Variants in CIC observed in about 807,000 individuals in gnomAD.
The protein encoded by CIC is capicua transcriptional repressor, also known as protein capicua homolog.
A neutral mutation model predicts 115.7 loss-of-function variants in CIC; 18 were observed. The observed-to-expected ratio is 0.16, with a 90% CI of 0.11 to 0.23. The LOEUF (loss-of-function observed/expected upper bound fraction) is 0.23. Among genes scored for constraint, CIC ranks in the 10% least tolerant of loss-of-function variants. CIC has a pLI of 1.00. For missense variants in CIC, 2,000 were observed against 2,159.3 expected (o/e 0.93, Z 1.46); for synonymous variants, 1,076 against 923.0 (o/e 1.17, Z -3.01).
chr19:42,281,742 C>G (rs28463673), intron 2 of CIC, among the ~76,000 whole-genome samples: 3 of 152,208 alleles, frequency 2.0e-5, no homozygotes, highest in African/African-American at 7.2e-5. Context: ...CCCCTCCCTG[C>G]CAGGCTAGGC....
chr19:42,286,245 C>T (rs1167564394), intron 2 of CIC, among the ~76,000 whole-genome samples: 1 of 152,092 alleles, frequency 6.6e-6, no homozygotes, highest in Non-Finnish European at 1.5e-5. Flanking sequence ...TTGTAAGAGA[C>T]CCCACAGCCT....
At chr19:42,289,726 A>T in intron 9 of CIC, 122 bp from the exon 10 acceptor site, 1 of 891,502 alleles carries the variant, frequency 1.1e-6, no homozygotes, top group Non-Finnish European at 1.8e-6. Flanking sequence ...GCTGAGGAGT[A>T]GCCTTCCTGG....
rs769275790 is a variant in CIC, at chr19:42,290,576, C to T, written c.4535C>T (p.Pro1512Leu). 2 of 1,613,748 alleles carry T rather than the reference C, an allele frequency of 1.2e-6. 1 individual carries two copies. Among genetic ancestry groups the T allele is most frequent in the South Asian group, 2.2e-5 (2 of 91,076 alleles). ...CCTGCCACCTTCCGGCGCAAGAGAC[C>T]CGAAAGTGTGGGTGGCCTGGAGCCA... Reference protein sequence around the residue: ...MDPATFRRKRPESVGGLEPPG... With the variant: ...MDPATFRRKRLESVGGLEPPG... The change falls in exon 11 of 21, where the codon CCC (proline) becomes CTC (leucine). Residue 1512 changes from proline to leucine, a missense_variant. Around this residue, in one of 8 missense-constraint regions of CIC, gnomAD observed 1,466 missense variants for 1,390.4 expected, o/e 1.05. Coordinates refer to ENST00000681038, the MANE Select transcript of CIC (RefSeq NM_001386298.1).
Position 42,287,836 on chromosome 19 carries a change from C to T in CIC, c.3519C>T (p.His1173=), listed in dbSNP as rs759700004. 1.2e-6 allele frequency: 2 copies of T among 1,613,764 alleles called. No individual in the cohort carries two copies. The highest frequency in any genetic ancestry group is 8.5e-7 in the Non-Finnish European group (1 of 1,179,812). ...FQVKEAHFKA[H]PDWKWCNKDR... ...TGAAGGAGGCCCACTTCAAGGCCCA[C>T]CCAGATTGGAAGTGGTGCAACAAGG... is the stretch of plus-strand genomic sequence containing the variant. Residue 1173 remains histidine (H), a synonymous_variant, in exon 7 of 21, where the codon CAC becomes CAT. Transcript: ENST00000681038. The surrounding 1 kb of genome is among the most constrained non-coding windows in gnomAD (Gnocchi z 8.7).
rs1477381910 is a variant in CIC at position 42,273,952 on chromosome 19, G to C, written c.2169G>C (p.Gly723=). 2.5e-6 allele frequency: 1 copy of C among 398,638 alleles called. No homozygotes were observed. The allele number at this position is 398,638 out of a possible 1,614,324, so 24.7% of individuals were successfully genotyped here. Residue 723 remains glycine, a synonymous_variant, in exon 2 of 21, where the codon GGG becomes GGC. Coordinates refer to ENST00000681038, the MANE Select transcript of CIC (RefSeq NM_001386298.1). The stretch of plus-strand genomic sequence containing the variant: ...AGACAGAGCTGTTGCCGCATCCAGG[G>C]GCCTTGGGGGCCCCTGGCGCAGGGG... ...RRKTELLPHP[G]ALGAPGAGGG... is the part of the protein sequence containing the mutation.
chr19:42,271,428 C>G (rs1468597649), intron 1 of CIC, among the ~76,000 whole-genome samples: 2 of 152,192 alleles, frequency 1.3e-5, no homozygotes, highest in Admixed American at 1.3e-4. Flanking sequence ...TTAATAAAGG[C>G]AAGCTTAGCA....
rs775387226 is a variant in CIC, at chr19:42,274,251, A to G, written c.2468A>G (p.Lys823Arg). 3.0e-5 allele frequency: 12 copies of G among 398,772 alleles called. No individual in the cohort carries two copies. The highest frequency in any genetic ancestry group is 5.3e-5 in the Non-Finnish European group (12 of 226,170). The allele number at this position is 398,772 out of a possible 1,614,324, so 24.7% of individuals were successfully genotyped here. ...VRNPDVPLPS[K>R]FPGEVGTAGE... ...AACCCTGATGTGCCACTGCCCTCCA[A>G]ATTCCCTGGGGAGGTGGGCACTGCT... Residue 823 changes from lysine (K) to arginine (R), a missense_variant, in exon 2 of 21, where the codon AAA becomes AGA. Around this residue, in one of 8 missense-constraint regions of CIC, gnomAD observed 222 missense variants for 247.7 expected, o/e 0.90. Coordinates refer to ENST00000681038, the MANE Select transcript of CIC (RefSeq NM_001386298.1).
chr19:42,295,143 G>GGGGGGGCCCCCCCC lies in CIC; in HGVS notation c.7506_7507insGGGGGGCCCCCCCC (p.Pro2503GlyfsTer31). On this transcript the variant is annotated frameshift_variant, in exon 21 of 21. Coordinates refer to ENST00000681038, the MANE Select transcript of CIC (RefSeq NM_001386298.1). LOFTEE classifies it high-confidence loss of function. ...AGCCTGGCTGGGAGGGGGCTCCCCA[G>GGGGGGGCCCCCCCC]CCCTCCCCCCCACCCCCAGGTCCCT... 2.9e-6 allele frequency: 4 copies of GGGGGGGCCCCCCCC among 1,382,730 alleles called. No individual in the cohort carries two copies. Among genetic ancestry groups the GGGGGGGCCCCCCCC allele is most frequent in the Non-Finnish European group, 9.6e-7 (1 of 1,037,820 alleles). 85.7% of individuals were successfully genotyped at this position (1,382,730 alleles called of 1,614,324 possible).
At chr19:42,294,393 T>C in intron 19 of CIC, 89 bp downstream of exon 19, 1 of 1,591,054 alleles carries the variant, frequency 6.3e-7, no homozygotes, top group Non-Finnish European at 8.5e-7. Context: ...AGAGGTAGGG[T>C]GGGTCCATCC....
rs2037761738 is a variant in CIC, at chr19:42,287,766, G to A, written c.3492+39G>A. On this transcript the variant is annotated intron_variant, in intron 6 of 20. Coordinates refer to ENST00000681038, the MANE Select transcript of CIC (RefSeq NM_001386298.1). The surrounding 1 kb of genome is among the most constrained non-coding windows in gnomAD (Gnocchi z 8.7). Reference sequence around the variant, plus strand: ...CTCTTGGCTCCTCCCAGCTTCTTCTGGTGGGGTGGGTGAGTGAAGGGTTGC... The same window carrying A: ...CTCTTGGCTCCTCCCAGCTTCTTCTAGTGGGGTGGGTGAGTGAAGGGTTGC... The A allele has an allele frequency of 6.2e-7, 1 of 1,614,012 alleles. No homozygotes were observed. Among genetic ancestry groups the A allele is most frequent in the Non-Finnish European group, 8.5e-7 (1 of 1,180,024 alleles).
Position 42,287,416 on chromosome 19 carries a change from A to G in CIC, c.3276A>G (p.Ser1092=). The stretch of plus-strand genomic sequence containing the variant: ...GTGCCCTACCCAAGGAACGGGACTC[A>G]TCTTCTGAGAAGGATGGACGCAGCC... ...SLSALPKERD[S]SSEKDGRSPN... is the part of the protein sequence containing the mutation. The change falls in exon 5 of 21, where the codon TCA becomes TCG. Residue 1092 remains serine (S), a synonymous_variant. Coordinates refer to ENST00000681038, the MANE Select transcript of CIC (RefSeq NM_001386298.1). The surrounding 1 kb of genome is among the most constrained non-coding windows in gnomAD (Gnocchi z 8.7). The G allele has an allele frequency of 6.2e-7, 1 of 1,613,990 alleles. No individual in the cohort carries two copies. The highest frequency in any genetic ancestry group is 8.5e-7 in the Non-Finnish European group (1 of 1,180,016).
In CIC at chr19:42,280,313, C is replaced by A. The variant is rs1016293762; in HGVS notation, c.2794+5736C>A. The A allele has an allele frequency of 6.6e-6, 1 of 152,226 alleles. No homozygotes were observed. The highest frequency in any genetic ancestry group is 1.5e-5 in the Non-Finnish European group (1 of 68,042). The allele number at this position is 152,226 out of a possible 1,614,324, so 9.4% of individuals were successfully genotyped here. A position where few individuals can be genotyped will look rare whatever the true frequency, so the allele number is the denominator to read the frequency against. On this transcript the variant is annotated intron_variant, in intron 2 of 20. Coordinates refer to ENST00000681038, the MANE Select transcript of CIC (RefSeq NM_001386298.1). This position sits in a 1 kb window ranked among gnomAD's most constrained non-coding sequence, Gnocchi z 4.9. Reference sequence around the variant, plus strand: ...CTCGCGGCTGCAAGATGCTATCCCCCCTCTGAGCCTGTTTCTTGCGAAGTA... The same window carrying A: ...CTCGCGGCTGCAAGATGCTATCCCCACTCTGAGCCTGTTTCTTGCGAAGTA...
chr19:42,285,472 G>A (rs1167183462), intron 2 of CIC, among the ~76,000 whole-genome samples: 1 of 152,160 alleles, frequency 6.6e-6, no homozygotes, highest in Non-Finnish European at 1.5e-5. Context: ...TGCTGTCTTC[G>A]TGATCCCAGT....
rs551286820 is a variant in CIC at position 42,270,689 on chromosome 19, G to A, written c.-10-1085G>A. 2.2e-4 allele frequency among the ~76,000 whole-genome samples: 33 copies of A among 152,196 alleles called. No individual in the cohort carries two copies. Among genetic ancestry groups the A allele is most frequent in the African/African-American group, 7.5e-4 (31 of 41,512 alleles). On this transcript the variant is annotated intron_variant, in intron 1 of 20. Coordinates refer to ENST00000681038, the MANE Select transcript of CIC (RefSeq NM_001386298.1). The surrounding 1 kb of genome is among the most constrained non-coding windows in gnomAD (Gnocchi z 4.1). ...CTGCCAGAGCCAGCCCAGCCAGGGC[G>A]GGGATGCATGCAGGCAAGAAGAGGG... is the stretch of plus-strand genomic sequence containing the variant.
Position 42,291,726 on chromosome 19 carries a change from G to A in CIC, c.5594G>A (p.Gly1865Asp). 6.2e-7 allele frequency: 1 copy of A among 1,612,958 alleles called. No homozygotes were observed. The highest frequency in any genetic ancestry group is 8.5e-7 in the Non-Finnish European group (1 of 1,179,998). Reference sequence around the variant, plus strand: ...CCCTTCTCAGTACCTGTGCAGAATGGTGCCCAGCCCCCCAGCAAGGTGAGG... The same window carrying A: ...CCCTTCTCAGTACCTGTGCAGAATGATGCCCAGCCCCCCAGCAAGGTGAGG... ...SPPFSVPVQN[G>D]AQPPSKIIQL... Residue 1865 changes from glycine to aspartate, a missense_variant, in exon 12 of 21, where the codon GGT becomes GAT. Gly to Asp is a moderately conservative substitution (Grantham distance 94, BLOSUM62 -1). Coordinates refer to ENST00000681038, the MANE Select transcript of CIC (RefSeq NM_001386298.1).
intron 9 of CIC, 54 bp downstream of exon 9, chr19:42,289,460 G>T: frequency 6.5e-7 from 1 of 1,536,666 alleles, no homozygotes; most frequent in South Asian, 1.2e-5. Flanking sequence ...CCAAGGCTCA[G>T]AGGGTGGGCA....
chr19:42,287,833 C>T lies in CIC; in HGVS notation c.3516C>T (p.Ala1172=). The T allele has an allele frequency of 1.2e-6, 2 of 1,613,808 alleles. No individual in the cohort carries two copies. Among genetic ancestry groups the T allele is most frequent in the African/African-American group, 1.3e-5 (1 of 75,044 alleles). ...AFQVKEAHFK[A]HPDWKWCNKD... ...AGGTGAAGGAGGCCCACTTCAAGGC[C>T]CACCCAGATTGGAAGTGGTGCAACA... The change falls in exon 7 of 21, where the codon GCC becomes GCT. Residue 1172 remains alanine (A), a synonymous_variant. Transcript: ENST00000681038. The surrounding 1 kb of genome is among the most constrained non-coding windows in gnomAD (Gnocchi z 8.7).
intron 10 of CIC, 70 bp downstream of exon 10, chr19:42,290,021 G>A (rs1250143579): frequency 3.4e-6 from 5 of 1,458,184 alleles, no homozygotes; most frequent in South Asian, 2.3e-5. Flanking sequence ...TGTTTCTCCC[G>A]GGCTTGAGAG....
rs752262399 is a variant in CIC, at chr19:42,286,966, G to T, written c.2945-40G>T. On this transcript the variant is annotated intron_variant, in intron 3 of 20. Coordinates refer to ENST00000681038, the MANE Select transcript of CIC (RefSeq NM_001386298.1). Reference sequence around the variant, plus strand: ...GGGGGAGGCAAGGGTGTGGGGTCCAGGTGGCCTAGGAGCCCTCTGATCTAC... The same window carrying T: ...GGGGGAGGCAAGGGTGTGGGGTCCATGTGGCCTAGGAGCCCTCTGATCTAC... The T allele has an allele frequency of 3.1e-6, 5 of 1,607,910 alleles. No individual in the cohort carries two copies. The East Asian group carries it at 1.1e-4, about 36-fold the overall frequency.
Sources: gnomAD v4.1 joint callset for allele counts (sites outside exome capture counted in the v4.1 genomes callset) on GRCh38, gnomAD v4.1.1 for gene constraint, gnomAD v4.1.1 regional missense constraint, Gnocchi (gnomAD v3.1) non-coding constraint, MANE v1.5 for transcripts, NCBI Gene and HGNC (gene_info 2026-07-23, HGNC 2026-07-21) for gene names.